The following OPHN1 variants were observed in gnomAD, a reference collection of about 807,000 sequenced individuals.
OPHN1 encodes oligophrenin 1.
OPHN1 carries 11 observed loss-of-function variants against 60.7 expected under a neutral mutation model. That is an observed-to-expected ratio of 0.18 (90% confidence interval 0.11 to 0.30). The LOEUF (loss-of-function observed/expected upper bound fraction) is 0.30. Among genes scored for constraint, OPHN1 ranks in the 10% least tolerant of loss-of-function variants. The probability of loss-of-function intolerance (pLI) is 1.00; values close to 1 mark genes in which losing one functional copy is unlikely to be tolerated. For synonymous variants in OPHN1, 226 were observed against 222.6 expected (o/e 1.02, Z -0.14); for missense variants, 449 against 611.0 (o/e 0.73, Z 2.80).
At chrX:68,270,341 A>C (rs2077960818) in intron 5 of OPHN1, among the ~76,000 whole-genome samples, 1 of 110,797 alleles carries the variant, frequency 9.0e-6, no homozygotes, top group Non-Finnish European at 1.9e-5. Flanking sequence ...AACCAACCCA[A>C]ATGTCCATCA....
chrX:68,134,608 C>A (rs1316218740), intron 15 of OPHN1, among the ~76,000 whole-genome samples: 1 of 111,409 alleles, frequency 9.0e-6, no homozygotes, highest in Admixed American at 9.5e-5. Flanking sequence ...GGGAAAAGGT[C>A]TGCCCTGGAG....
intron 2 of OPHN1, among the ~76,000 whole-genome samples, chrX:68,331,208 T>C (rs777349733): frequency 9.4e-6 from 1 of 106,611 alleles, no homozygotes; most frequent in African/African-American, 3.3e-5. Context: ...TATATAATAG[T>C]TATATCTTAT....
intron 15 of OPHN1, among the ~76,000 whole-genome samples, chrX:68,148,921 T>C (rs1455550752): frequency 9.0e-6 from 1 of 111,524 alleles, no homozygotes. Flanking sequence ...TATAGCAATG[T>C]AGACAGAAAA....
intron 2 of OPHN1, among the ~76,000 whole-genome samples, chrX:68,308,434 T>C (rs1385010983): frequency 9.2e-6 from 1 of 108,723 alleles, no homozygotes; most frequent in Non-Finnish European, 1.9e-5. Flanking sequence ...CTACCAAAAA[T>C]ACAAAAAATC....
At chrX:68,433,596 C>T (rs1018637660), upstream of OPHN1, 1 of 294,967 alleles carries the variant, frequency 3.4e-6, no homozygotes, top group Non-Finnish European at 5.9e-6. Context: ...CAAACCGGAG[C>T]GCTCTGGCTC....
At chrX:68,416,763 G>A (rs1486637838) in intron 2 of OPHN1, among the ~76,000 whole-genome samples, 1 of 111,965 alleles carries the variant, frequency 8.9e-6, no homozygotes, top group Admixed American at 9.5e-5. Context: ...GAAGGTCCAA[G>A]GAACACTTAA....
At chrX:68,406,724 T>C in intron 2 of OPHN1, among the ~76,000 whole-genome samples, 1 of 112,307 alleles carries the variant, frequency 8.9e-6, no homozygotes, top group East Asian at 2.8e-4. Context: ...TCGTAATATA[T>C]GCAACTGAAT....
At chrX:68,186,738 G>C (rs2077464318) in intron 15 of OPHN1, among the ~76,000 whole-genome samples, 3 of 111,546 alleles carry the variant, frequency 2.7e-5, no homozygotes, top group Non-Finnish European at 3.8e-5. Context: ...CAGTATGGTT[G>C]GGTTCTGATG....
At chrX:68,108,865 A>T (rs1346921178) in intron 18 of OPHN1, among the ~76,000 whole-genome samples, 2 of 111,835 alleles carry the variant, frequency 1.8e-5, no homozygotes, top group Non-Finnish European at 3.8e-5. Context: ...TAAAACATTA[A>T]TATGGCTTAA....
chrX:68,430,549 G>GT (rs1366745297), intron 2 of OPHN1, among the ~76,000 whole-genome samples: 1 of 111,524 alleles, frequency 9.0e-6, no homozygotes, highest in African/African-American at 3.3e-5. Context: ...GAGGCCAGGC[G>GT]TGGTGGCTCA....
At chrX:68,415,710 T>C (rs189381355) in intron 2 of OPHN1, among the ~76,000 whole-genome samples, 99 of 111,505 alleles carry the variant, frequency 8.9e-4, no homozygotes, top group African/African-American at 3.1e-3. Flanking sequence ...TAATACACTT[T>C]AGGGCTTAAT....
chrX:68,197,897 C>T (rs1202155998), intron 11 of OPHN1, among the ~76,000 whole-genome samples: 2 of 110,860 alleles, frequency 1.8e-5, no homozygotes, highest in Non-Finnish European at 3.8e-5. Flanking sequence ...TATAATAAGG[C>T]AGTTACAGTA....
At chrX:68,168,033 T>C (rs754036469) in intron 15 of OPHN1, among the ~76,000 whole-genome samples, 1 of 110,424 alleles carries the variant, frequency 9.1e-6, no homozygotes, top group Non-Finnish European at 1.9e-5. Context: ...TCAAAACAAC[T>C]GAAATCATGG....
Position 68,416,814 on chromosome X carries a change from T to G in OPHN1, c.154+16053A>C, listed in dbSNP as rs185688141. ...GCCCCACCCAACAACAGCCAATTAA[T>G]GTTGCACAGCCTGTTTTAGTCTTGG... is the stretch of plus-strand genomic sequence containing the variant. On this transcript the variant is annotated intron_variant, in intron 2 of 24. Coordinates refer to ENST00000355520, the MANE Select transcript of OPHN1 (RefSeq NM_002547.3). 3.3e-4 allele frequency among the ~76,000 whole-genome samples: 37 copies of G among 112,505 alleles called. No homozygotes were observed. In the East Asian group the frequency reaches 5.6e-3, roughly 17 times the overall value.
chrX:68,112,032 T>C, intron 17 of OPHN1, 73 bp from the exon 18 acceptor site: 2 of 592,716 alleles, frequency 3.4e-6, no homozygotes, highest in Non-Finnish European at 5.8e-6. Context: ...CTCACATATA[T>C]ATGCACAAAC....
intron 3 of OPHN1, among the ~76,000 whole-genome samples, chrX:68,298,545 A>C (rs2078105794): frequency 8.9e-6 from 1 of 111,818 alleles, no homozygotes; most frequent in African/African-American, 3.2e-5. Flanking sequence ...TACAACTAAT[A>C]GAGTGAGTTG....
At chrX:68,395,695 C>A (rs1271562397) in intron 2 of OPHN1, among the ~76,000 whole-genome samples, 1 of 110,927 alleles carries the variant, frequency 9.0e-6, no homozygotes, top group African/African-American at 3.3e-5. Flanking sequence ...GATCCACCCA[C>A]CTCGGCCTCC....
At chrX:68,112,837 TGTC>T (rs1345845034) in intron 17 of OPHN1, among the ~76,000 whole-genome samples, 1 of 112,257 alleles carries the variant, frequency 8.9e-6, no homozygotes. Flanking sequence ...AAACGGCAAC[TGTC>T]GTGTAACCAT....
intron 15 of OPHN1, among the ~76,000 whole-genome samples, chrX:68,177,438 G>A (rs2077419067): frequency 9.0e-6 from 1 of 111,339 alleles, no homozygotes; most frequent in Admixed American, 9.6e-5. Flanking sequence ...AACCCTATAT[G>A]AAATTTTAAG....
Sources: gnomAD v4.1 joint callset for allele counts (sites outside exome capture counted in the v4.1 genomes callset) on GRCh38, gnomAD v4.1.1 for gene constraint, MANE v1.5 for transcripts, NCBI Gene and HGNC (gene_info 2026-07-23, HGNC 2026-07-21) for gene names.